SYNJ2: variants seen among roughly 807,000 people sequenced by gnomAD.
SYNJ2 encodes polyphosphatidylinositol phosphatase SYNJ2.
Under a neutral mutation model 141.3 loss-of-function variants are expected in SYNJ2, and 116 were observed. That is an observed-to-expected ratio of 0.82 (90% confidence interval 0.71 to 0.96). The LOEUF is 0.96. Among genes scored for constraint, SYNJ2 ranks in the 40% least tolerant of loss-of-function variants. The pLI, the probability that SYNJ2 is intolerant of heterozygous loss-of-function variation, is 0.00. For synonymous variants in SYNJ2, 745 were observed against 777.7 expected, an observed-to-expected ratio of 0.96 and a Z score of 0.70; for missense variants, 1,873 against 1,934.8, an observed-to-expected ratio of 0.97 and a Z score of 0.60.
chr6:157,998,966 T>C (rs1777734758), intron 1 of SYNJ2, among the ~76,000 whole-genome samples: 1 of 151,852 alleles, frequency 6.6e-6, no homozygotes, highest in African/African-American at 2.4e-5. Flanking sequence ...CTCCAATATA[T>C]CAAAAGACAC....
At position 158,027,652 on chromosome 6, in the gene SYNJ2, T is replaced by A. The variant is rs1562335882; in HGVS notation, c.215-1104T>A. 2 of 152,176 alleles carry A rather than the reference T, an allele frequency of 1.3e-5. No individual in the cohort carries two copies. Among genetic ancestry groups the A allele is most frequent in the African/African-American group, 4.8e-5 (2 of 41,396 alleles). 9.4% of individuals were successfully genotyped at this position (152,176 alleles called of 1,614,324 possible). On this transcript the variant is annotated intron_variant, in intron 2 of 26. Coordinates refer to ENST00000355585, the MANE Select transcript of SYNJ2 (RefSeq NM_003898.4). The surrounding 1 kb of genome is among the most constrained non-coding windows in gnomAD (Gnocchi z 4.6). ...GTGGTGCTGGGAGATGACGACGAAA[T>A]GGCCCTGCCCCCAAGGAAGCCCCTC...
intron 22 of SYNJ2, among the ~76,000 whole-genome samples, chr6:158,085,553 A>G (rs1782980708): frequency 6.6e-6 from 1 of 152,190 alleles, no homozygotes; most frequent in Non-Finnish European, 1.5e-5. Context: ...CAGGGCTGAA[A>G]GTGGATTAAG....
At chr6:158,050,306 G>T (rs187943319) in intron 5 of SYNJ2, among the ~76,000 whole-genome samples, 85 of 152,350 alleles carry the variant, frequency 5.6e-4, no homozygotes, top group African/African-American at 2.0e-3. Flanking sequence ...TCTGGGGTAG[G>T]CCCAGGACTT....
rs756478922 is a variant in SYNJ2, at chr6:158,062,018, G to A, written c.981G>A (p.Ala327=). The A allele has an allele frequency of 1.9e-5, 31 of 1,613,994 alleles. No homozygotes were observed. In the Admixed American group the frequency reaches 2.7e-4, roughly 14 times the overall value. ...AGCTGCTCTGGGCTTCTTGCCACGC[G>A]GGCGACACGCCTATGATCAATTTTG... is the stretch of plus-strand genomic sequence containing the variant. The part of the protein sequence containing the change: ...FKKLLWASCH[A]GDTPMINFDF... The change falls in exon 8 of 27, where the codon GCG becomes GCA. Residue 327 remains alanine (A), a synonymous_variant. Transcript: ENST00000355585.
rs761283974 is a variant in SYNJ2, at chr6:157,987,824, G to A, written c.127+5736G>A. Among the ~76,000 whole-genome samples the A allele has an allele frequency of 4.8e-4, 73 of 152,218 alleles. 1 individual carries two copies. The highest frequency in any genetic ancestry group is 4.6e-4 in the Admixed American group (7 of 15,278). ...AAATTTACTTGGCAGATTTCGTGTG[G>A]CCAGCAGCAGAAATGGTGGCATGAA... On this transcript the variant is annotated intron_variant, in intron 1 of 26. Coordinates refer to ENST00000355585, the MANE Select transcript of SYNJ2 (RefSeq NM_003898.4).
chr6:158,080,770 G>T (rs1279119335), intron 18 of SYNJ2, among the ~76,000 whole-genome samples: 1 of 152,170 alleles, frequency 6.6e-6, no homozygotes, highest in Non-Finnish European at 1.5e-5. Context: ...TTTGCTGATG[G>T]CTGGTTATTT....
In SYNJ2 at chr6:158,046,016, C is replaced by T. The variant is rs541997312; in HGVS notation, c.795+2617C>T. On this transcript the variant is annotated intron_variant, in intron 5 of 26. Coordinates refer to ENST00000355585, the MANE Select transcript of SYNJ2 (RefSeq NM_003898.4). ...GGAGTGCAATGGCACGACCTCGGCT[C>T]ACTGCAACCTCCACTTCCTGGGTTC... Among the ~76,000 whole-genome samples, 8 of 152,316 alleles carry T rather than the reference C, an allele frequency of 5.3e-5. No homozygotes were observed. The South Asian group carries it at 1.7e-3, about 32-fold the overall frequency.
chr6:158,033,708 C>A (rs770149509), intron 4 of SYNJ2, 28 bp downstream of exon 4: 4 of 1,582,714 alleles, frequency 2.5e-6, no homozygotes, highest in East Asian at 2.3e-5. Context: ...TCTGTGGCAC[C>A]AAATGGTTCC....
intron 4 of SYNJ2, among the ~76,000 whole-genome samples, chr6:158,038,714 T>C (rs1779770497): frequency 6.6e-6 from 1 of 152,096 alleles, no homozygotes; most frequent in Non-Finnish European, 1.5e-5. Context: ...AGTGGTGGTG[T>C]GATGGGGGCG....
At chr6:158,047,128 A>C (rs1183198196) in intron 5 of SYNJ2, among the ~76,000 whole-genome samples, 2 of 152,180 alleles carry the variant, frequency 1.3e-5, no homozygotes, top group South Asian at 2.1e-4. Flanking sequence ...GATGGCTTGT[A>C]GTATAACAGT....
intron 26 of SYNJ2, 25 bp downstream of exon 26, chr6:158,093,129 T>C: frequency 1.2e-6 from 2 of 1,602,580 alleles, no homozygotes; most frequent in Non-Finnish European, 1.7e-6. Flanking sequence ...ACATAAAACC[T>C]CTTACTCCTA....
intron 1 of SYNJ2, among the ~76,000 whole-genome samples, chr6:158,014,866 G>C (rs888729324): frequency 6.6e-6 from 1 of 152,240 alleles, no homozygotes; most frequent in African/African-American, 2.4e-5. Flanking sequence ...CTGGGGGGCT[G>C]AGGGTAGGAA....
intron 6 of SYNJ2, among the ~76,000 whole-genome samples, chr6:158,057,276 T>C (rs1780924204): frequency 6.6e-6 from 1 of 152,174 alleles, no homozygotes; most frequent in Non-Finnish European, 1.5e-5. Flanking sequence ...AAGAAGCCCG[T>C]ATGATGCCGA....
chr6:158,041,927 C>G (rs1779969683), intron 4 of SYNJ2, among the ~76,000 whole-genome samples: 1 of 152,256 alleles, frequency 6.6e-6, no homozygotes, highest in African/African-American at 2.4e-5. Context: ...ATTACCCAGG[C>G]TGGTCTCGAA....
rs61733903 is a variant in SYNJ2 at position 158,017,259 on chromosome 6, C to A, written c.183C>A (p.Tyr61Ter). The A allele has an allele frequency of 3.1e-6, 5 of 1,613,400 alleles. No individual in the cohort carries two copies. Among genetic ancestry groups the A allele is most frequent in the Middle Eastern group, 1.6e-4 (1 of 6,080 alleles). ...AGTATGGCAAGCTCACGGACGCGTA[C>A]GGCTGCCTGGGGGAGCTGAGGCTGA... ...KGQYGKLTDA[Y>*]GCLGELRLKS... Residue 61 changes from tyrosine to a stop codon, truncating the protein, a stop_gained, in exon 2 of 27, where the codon TAC becomes TAA. Coordinates refer to ENST00000355585, the MANE Select transcript of SYNJ2 (RefSeq NM_003898.4). LOFTEE classifies it high-confidence loss of function.
intron 2 of SYNJ2, chr6:158,028,291 G>A (rs1779165845): frequency 5.6e-6 from 1 of 179,914 alleles, no homozygotes; most frequent in Non-Finnish European, 1.2e-5. Flanking sequence ...ATGGAGTGGG[G>A]GAAGACAGAC....
chr6:158,045,099 CT>C lies in SYNJ2; in HGVS notation c.795+1726del, dbSNP rs761042284. Among the ~76,000 whole-genome samples the C allele has an allele frequency of 8.2e-3, 920 of 112,306 alleles. 2 individuals carry two copies. Among genetic ancestry groups the C allele is most frequent in the African/African-American group, 0.026 (735 of 27,854 alleles). The allele number at this position is 112,306 out of a possible 152,430, so 73.7% of individuals were successfully genotyped here. On this transcript the variant is annotated intron_variant, in intron 5 of 26. Transcript: ENST00000355585. ...TCTGACTCTCAGTTCAGGGGTCCTC[CT>C]TTTTTTTTTTTTTTTTTTTTTTTTT... is the stretch of plus-strand genomic sequence containing the variant.
In SYNJ2 at chr6:157,993,277, G is replaced by A. The variant is rs528955496; in HGVS notation, c.127+11189G>A. 2.0e-5 allele frequency among the ~76,000 whole-genome samples: 3 copies of A among 152,242 alleles called. No individual in the cohort carries two copies. The South Asian group carries it at 6.2e-4, about 32-fold the overall frequency. ...TAGTTTTGATTTGCCTTTTTCTGAC[G>A]ATCAGTGATGTTGGGCACCTTTTCA... On this transcript the variant is annotated intron_variant, in intron 1 of 26. Transcript: ENST00000355585.
In SYNJ2 at chr6:158,071,819, A is replaced by C. The variant is rs760444481; in HGVS notation, c.2133+25A>C. The C allele has an allele frequency of 2.2e-5, 36 of 1,607,900 alleles. No individual in the cohort carries two copies. The highest frequency in any genetic ancestry group is 2.6e-5 in the Non-Finnish European group (31 of 1,178,104). The stretch of plus-strand genomic sequence containing the variant: ...GGTGAGCGGCGCCGTGGGGACAGCC[A>C]GCACCTCCCTGCTCAGCTCAGTCCC... On this transcript the variant is annotated intron_variant, in intron 15 of 26. Coordinates refer to ENST00000355585, the MANE Select transcript of SYNJ2 (RefSeq NM_003898.4). This position sits in a 1 kb window ranked among gnomAD's most constrained non-coding sequence, Gnocchi z 4.3.
Sources: gnomAD v4.1 joint callset for allele counts (sites outside exome capture counted in the v4.1 genomes callset) on GRCh38, gnomAD v4.1.1 for gene constraint, Gnocchi (gnomAD v3.1) non-coding constraint, MANE v1.5 for transcripts, NCBI Gene and HGNC (gene_info 2026-07-23, HGNC 2026-07-21) for gene names.